Variants in ELAPOR2 observed in about 807,000 individuals in gnomAD.
ELAPOR2 encodes endosome-lysosome associated apoptosis and autophagy regulator family member 2.
Under a neutral mutation model 120.7 loss-of-function variants are expected in ELAPOR2, and 89 were observed. That is an observed-to-expected ratio of 0.74 (90% CI 0.62 to 0.88). The LOEUF (loss-of-function observed/expected upper bound fraction) is 0.88, where lower values mean the gene tolerates loss of function less well. ELAPOR2 is among the 40% of genes least tolerant of loss of function. The pLI, the probability that ELAPOR2 is intolerant of heterozygous loss-of-function variation, is 0.00. For synonymous variants in ELAPOR2, 444 were observed against 444.9 expected (o/e 1.00, Z 0.03); for missense variants, 1,134 against 1,251.6 (o/e 0.91, Z 1.42).
At chr7:86,912,547 G>A (rs1240501436) in intron 14 of ELAPOR2, among the ~76,000 whole-genome samples, 2 of 152,156 alleles carry the variant, frequency 1.3e-5, no homozygotes, top group Admixed American at 6.5e-5. Flanking sequence ...CAGTAAAAGT[G>A]CTTTGTCCTT....
intron 3 of ELAPOR2, among the ~76,000 whole-genome samples, chr7:86,947,514 T>A (rs1791057139): frequency 6.6e-6 from 1 of 152,212 alleles, no homozygotes; most frequent in Admixed American, 6.5e-5. Context: ...TTTATTGCAT[T>A]TTTGCATACA....
chr7:86,902,477 G>A (rs977442780), intron 18 of ELAPOR2, among the ~76,000 whole-genome samples: 1 of 152,078 alleles, frequency 6.6e-6, no homozygotes, highest in African/African-American at 2.4e-5. Context: ...CGCCAGGCCT[G>A]GAGTCTCTTT....
chr7:86,957,093 A>G (rs566179923), intron 2 of ELAPOR2, among the ~76,000 whole-genome samples: 4 of 152,152 alleles, frequency 2.6e-5, no homozygotes, highest in East Asian at 1.9e-4. Flanking sequence ...CGATTGACCT[A>G]AAGTCTGATT....
At chr7:86,968,458 A>C (rs567664508) in intron 1 of ELAPOR2, among the ~76,000 whole-genome samples, 29 of 152,344 alleles carry the variant, frequency 1.9e-4, no homozygotes, top group African/African-American at 6.7e-4. Context: ...GTTTATTGGG[A>C]GATGCAAAAC....
At chr7:86,908,358 A>G (rs1789131605) in intron 17 of ELAPOR2, 89 bp downstream of exon 17, 1 of 695,014 alleles carries the variant, frequency 1.4e-6, no homozygotes, top group Non-Finnish European at 2.5e-6. Flanking sequence ...TTACATACCC[A>G]TAATTATAAA....
At chr7:86,968,110 G>T (rs998729639) in intron 1 of ELAPOR2, among the ~76,000 whole-genome samples, 1 of 152,114 alleles carries the variant, frequency 6.6e-6, no homozygotes, top group Non-Finnish European at 1.5e-5. Context: ...GTAAAATTGC[G>T]AAAGGTACGA....
intron 8 of ELAPOR2, among the ~76,000 whole-genome samples, chr7:86,927,143 T>C (rs1177599698): frequency 6.6e-6 from 1 of 151,912 alleles, no homozygotes; most frequent in African/African-American, 2.4e-5. Flanking sequence ...CCTTCCCTCG[T>C]ACACAGCATG....
chr7:86,987,084 A>G (rs1400150916), intron 1 of ELAPOR2, among the ~76,000 whole-genome samples: 2 of 152,032 alleles, frequency 1.3e-5, no homozygotes, highest in East Asian at 3.8e-4. Flanking sequence ...TGACAAAAAC[A>G]AGAAATGGGG....
At position 86,987,997 on chromosome 7, in the gene ELAPOR2, C is replaced by T. The variant is rs567223324; in HGVS notation, c.190-22973G>A. On this transcript the variant is annotated intron_variant, in intron 1 of 21. Coordinates refer to ENST00000450689, the MANE Select transcript of ELAPOR2 (RefSeq NM_001142749.3). ...ATTAAGAAAATGTGGCACATATACA[C>T]CATGGAATACTATGCAGCCATAAAA... Among the ~76,000 whole-genome samples the T allele has an allele frequency of 4.8e-4, 73 of 152,240 alleles. No individual in the cohort carries two copies. In the South Asian group the frequency reaches 0.015, roughly 31 times the overall value.
chr7:86,985,506 T>C (rs565908702), intron 1 of ELAPOR2, among the ~76,000 whole-genome samples: 1 of 152,312 alleles, frequency 6.6e-6, no homozygotes, highest in Admixed American at 6.5e-5. Flanking sequence ...TCAAGTTGGC[T>C]TCAGCCCTGG....
intron 18 of ELAPOR2, among the ~76,000 whole-genome samples, chr7:86,907,432 CTT>C (rs745954444): frequency 3.3e-5 from 5 of 151,532 alleles, no homozygotes; most frequent in African/African-American, 4.8e-5. Context: ...GAATTAGACA[CTT>C]AACACAAACA....
At chr7:86,891,671 T>G in intron 21 of ELAPOR2, 53 bp downstream of exon 21, 1 of 1,467,414 alleles carries the variant, frequency 6.8e-7, no homozygotes, top group Non-Finnish European at 9.3e-7. Context: ...TAGGTTAATA[T>G]GCCCTCTACT....
chr7:87,031,082 C>T (rs1794410300), intron 1 of ELAPOR2, among the ~76,000 whole-genome samples: 1 of 152,130 alleles, frequency 6.6e-6, no homozygotes, highest in Admixed American at 6.5e-5. Context: ...TCAATTATCT[C>T]CCACCTGGTC....
Position 86,972,742 on chromosome 7 carries a change from C to T in ELAPOR2, c.190-7718G>A, listed in dbSNP as rs533757709. On this transcript the variant is annotated intron_variant, in intron 1 of 21. Coordinates refer to ENST00000450689, the MANE Select transcript of ELAPOR2 (RefSeq NM_001142749.3). ...GTCCTTTCCGCTTGAACCACCACCC[C>T]CAAAGACTAGCAGAGCCATCTTCCT... is the stretch of plus-strand genomic sequence containing the variant. Among the ~76,000 whole-genome samples, 10 of 151,826 alleles carry T rather than the reference C, an allele frequency of 6.6e-5. 1 individual carries two copies. In the South Asian group the frequency reaches 2.1e-3, roughly 32 times the overall value.
intron 21 of ELAPOR2, among the ~76,000 whole-genome samples, chr7:86,888,005 G>A (rs1234192405): frequency 1.3e-5 from 2 of 152,082 alleles, no homozygotes; most frequent in Non-Finnish European, 1.5e-5. Flanking sequence ...AGTAACCTCA[G>A]GCTTCCTGGG....
chr7:87,044,947 G>A (rs1300126182), intron 1 of ELAPOR2, among the ~76,000 whole-genome samples: 1 of 147,758 alleles, frequency 6.8e-6, no homozygotes, highest in Non-Finnish European at 1.5e-5. Context: ...AGTGGGCGAA[G>A]GACATGAACA....
chr7:86,896,753 T>C (rs1788456367), intron 19 of ELAPOR2, among the ~76,000 whole-genome samples: 2 of 152,126 alleles, frequency 1.3e-5, no homozygotes, highest in South Asian at 4.1e-4. Context: ...TCAAACACTA[T>C]TGGTGAAAGT....
intron 1 of ELAPOR2, among the ~76,000 whole-genome samples, chr7:86,997,183 T>C (rs1254287845): frequency 2.0e-5 from 3 of 151,586 alleles, no homozygotes; most frequent in Non-Finnish European, 2.9e-5. Flanking sequence ...ATCTGGAGGA[T>C]TTTTGAAAAG....
At chr7:87,042,111 C>A (rs1794807555) in intron 1 of ELAPOR2, among the ~76,000 whole-genome samples, 1 of 149,610 alleles carries the variant, frequency 6.7e-6, no homozygotes, top group South Asian at 2.1e-4. Context: ...ATTCATAAAG[C>A]AAGTCCTGAG....
Sources: allele counts gnomAD v4.1 joint callset (sites outside exome capture counted in the v4.1 genomes callset), GRCh38; gene constraint gnomAD v4.1.1; transcripts MANE v1.5; gene names NCBI Gene and HGNC (gene_info 2026-07-23, HGNC 2026-07-21).